GREM2: variants seen among roughly 807,000 people sequenced by gnomAD.
The protein encoded by GREM2 is gremlin-2.
GREM2 carries 11 observed loss-of-function variants against 14.2 expected under a neutral mutation model. The observed-to-expected ratio is 0.78, with a 90% CI of 0.49 to 1.28. The LOEUF is 1.28. Among genes scored for constraint, GREM2 ranks in the 50% most tolerant of loss-of-function variants. The pLI is 0.00. For missense variants in GREM2, 210 were observed against 218.5 expected, an observed-to-expected ratio of 0.96 and a Z score of 0.24; for synonymous variants, 98 against 97.6, an observed-to-expected ratio of 1.00 and a Z score of -0.02.
intron 1 of GREM2, among the ~76,000 whole-genome samples, chr1:240,498,416 TCAGA>T (rs1443372702): frequency 6.6e-6 from 1 of 152,186 alleles, no homozygotes; most frequent in Non-Finnish European, 1.5e-5. Context: ...CATCTCACTG[TCAGA>T]CAGGTAAGTA....
intron 1 of GREM2, among the ~76,000 whole-genome samples, chr1:240,538,279 T>C (rs1403533443): frequency 6.6e-6 from 1 of 152,216 alleles, no homozygotes; most frequent in African/African-American, 2.4e-5. Flanking sequence ...TAAACTTTCT[T>C]CTTAGCTCCT....
At chr1:240,600,607 C>T (rs1433071830) in intron 1 of GREM2, among the ~76,000 whole-genome samples, 2 of 152,154 alleles carry the variant, frequency 1.3e-5, no homozygotes, top group African/African-American at 4.8e-5. Flanking sequence ...CCTCAGCCTC[C>T]TGAGTAGCTG....
At chr1:240,548,037 G>A (rs1014588087) in intron 1 of GREM2, among the ~76,000 whole-genome samples, 9 of 151,830 alleles carry the variant, frequency 5.9e-5, no homozygotes, top group African/African-American at 2.2e-4. Context: ...CAAGGTGGGT[G>A]GATCATCTGA....
At chr1:240,591,469 C>T (rs534583722) in intron 1 of GREM2, among the ~76,000 whole-genome samples, 11 of 152,206 alleles carry the variant, frequency 7.2e-5, no homozygotes, top group Middle Eastern at 3.4e-3. Context: ...TTGAGGAGGC[C>T]CATGTGTACA....
At chr1:240,594,200 T>C (rs1679769774) in intron 1 of GREM2, among the ~76,000 whole-genome samples, 1 of 152,134 alleles carries the variant, frequency 6.6e-6, no homozygotes, top group East Asian at 1.9e-4. Context: ...GTGATCCTCC[T>C]GCCTTGGCCT....
intron 1 of GREM2, among the ~76,000 whole-genome samples, chr1:240,587,829 T>G (rs1342221945): frequency 6.6e-6 from 1 of 152,184 alleles, no homozygotes; most frequent in Non-Finnish European, 1.5e-5. Flanking sequence ...TATGCTAGAT[T>G]CTGAATCCAC....
At chr1:240,502,588 C>T (rs1192075115) in intron 1 of GREM2, among the ~76,000 whole-genome samples, 1 of 152,150 alleles carries the variant, frequency 6.6e-6, no homozygotes, top group Non-Finnish European at 1.5e-5. Context: ...CAAACATTCC[C>T]CAAATGTCCT....
intron 1 of GREM2, among the ~76,000 whole-genome samples, chr1:240,497,507 G>A (rs1404888126): frequency 6.6e-6 from 1 of 151,982 alleles, no homozygotes; most frequent in East Asian, 1.9e-4. Flanking sequence ...AGCTTAGGAA[G>A]TCACAAGTAA....
intron 1 of GREM2, among the ~76,000 whole-genome samples, chr1:240,604,292 T>C (rs1397542499): frequency 7.2e-6 from 1 of 139,354 alleles, no homozygotes; most frequent in Non-Finnish European, 1.5e-5. Context: ...TTAGATCAGC[T>C]TTATATAACT....
rs544509717 is a variant in GREM2, at chr1:240,510,868, T to C, written c.-1-17392A>G. ...AAGTGGCATTAGGTATGAACCAAGG[T>C]AACCAGCTTTTCTTTTTAAAAAACG... On this transcript the variant is annotated intron_variant, in intron 1 of 1. Transcript: ENST00000318160. Among the ~76,000 whole-genome samples the C allele has an allele frequency of 9.2e-5, 14 of 152,298 alleles. No homozygotes were observed. The South Asian group carries it at 2.5e-3, about 27-fold the overall frequency.
chr1:240,572,082 G>A (rs551771207), intron 1 of GREM2, among the ~76,000 whole-genome samples: 3 of 152,278 alleles, frequency 2.0e-5, no homozygotes, highest in South Asian at 2.1e-4. Flanking sequence ...GACACTGAAC[G>A]AATGATAAAT....
intron 1 of GREM2, among the ~76,000 whole-genome samples, chr1:240,588,336 A>T (rs1350749495): frequency 1.3e-5 from 2 of 152,150 alleles, no homozygotes; most frequent in African/African-American, 4.8e-5. Flanking sequence ...CATTGCTTGC[A>T]CTTGAATCCT....
intron 1 of GREM2, among the ~76,000 whole-genome samples, chr1:240,531,919 A>G (rs1168480379): frequency 6.6e-6 from 1 of 151,554 alleles, no homozygotes; most frequent in African/African-American, 2.4e-5. Context: ...AGTTTCTTCA[A>G]TCCAAACAAT....
chr1:240,590,223 A>G (rs1679679805), intron 1 of GREM2, among the ~76,000 whole-genome samples: 1 of 152,162 alleles, frequency 6.6e-6, no homozygotes, highest in Admixed American at 6.5e-5. Context: ...TTAATGTAGA[A>G]TAACATTCAC....
intron 1 of GREM2, among the ~76,000 whole-genome samples, chr1:240,564,104 G>C (rs1679129599): frequency 6.6e-6 from 1 of 152,138 alleles, no homozygotes; most frequent in South Asian, 2.1e-4. Flanking sequence ...AGCTACTCTG[G>C]AGGCTGAGGC....
At chr1:240,579,652 C>G (rs1006832105) in intron 1 of GREM2, among the ~76,000 whole-genome samples, 4 of 152,140 alleles carry the variant, frequency 2.6e-5, no homozygotes, top group African/African-American at 9.7e-5. Context: ...ACATGAGTAA[C>G]TATAATATGA....
intron 1 of GREM2, among the ~76,000 whole-genome samples, chr1:240,573,247 G>A (rs544665591): frequency 6.6e-6 from 1 of 152,028 alleles, no homozygotes; most frequent in Non-Finnish European, 1.5e-5. Flanking sequence ...AGGATCACTC[G>A]AGCTCAGGAC....
chr1:240,574,968 G>T (rs1423245943), intron 1 of GREM2, among the ~76,000 whole-genome samples: 1 of 151,934 alleles, frequency 6.6e-6, no homozygotes, highest in Non-Finnish European at 1.5e-5. Context: ...TTAGCTGGGC[G>T]TGTTGGCGTG....
In GREM2 at chr1:240,493,223, C is replaced by T. The variant is rs1677307856; in HGVS notation, c.253G>A (p.Glu85Lys). The change falls in exon 2 of 2, where the codon GAG becomes AAG. Residue 85 changes from glutamate (E) to lysine (K), a missense_variant. Transcript: ENST00000318160. The part of the protein sequence containing the change: ...TQPLRQTVSE[E>K]GCRSRTILNR... ...AGGATGGTGCGGCTCCGGCAGCCCT[C>T]CTCGCTCACCGTCTGCCGCAGCGGC... The T allele has an allele frequency of 6.2e-7, 1 of 1,614,036 alleles. No homozygotes were observed. The highest frequency in any genetic ancestry group is 1.3e-5 in the African/African-American group (1 of 75,056).
Sources: allele counts gnomAD v4.1 joint callset (sites outside exome capture counted in the v4.1 genomes callset), GRCh38; gene constraint gnomAD v4.1.1; transcripts MANE v1.5; gene names NCBI Gene and HGNC (gene_info 2026-07-23, HGNC 2026-07-21).